The following FLOT2 variants were observed in gnomAD, a reference collection of about 807,000 sequenced individuals.
FLOT2 encodes the protein flotillin-2.
In FLOT2, 35 loss-of-function variants were observed where a neutral mutation model predicts 54.9. That is an observed-to-expected ratio of 0.64 (90% CI 0.49 to 0.84). The LOEUF (loss-of-function observed/expected upper bound fraction) is 0.84, where lower values mean the gene tolerates loss of function less well. Ranked by LOEUF, FLOT2 falls within the 40% of genes least tolerant of loss-of-function variation. The probability of loss-of-function intolerance (pLI) is 0.00; values close to 1 mark genes in which losing one functional copy is unlikely to be tolerated. For synonymous variants in FLOT2, 207 were observed against 228.9 expected, an observed-to-expected ratio of 0.90 and a Z score of 0.86; for missense variants, 464 against 572.1, an observed-to-expected ratio of 0.81 and a Z score of 1.93.
At chr17:28,885,798 C>T in intron 2 of FLOT2, 2 of 1,176,696 alleles carry the variant, frequency 1.7e-6, no homozygotes, top group South Asian at 1.3e-5. Flanking sequence ...GTCTGCCAGG[C>T]CCCGCAGGGC....
intron 2 of FLOT2, 75 bp downstream of exon 2, chr17:28,888,870 G>A: frequency 1.8e-6 from 2 of 1,121,310 alleles, no homozygotes. Flanking sequence ...CCCTCAGAGT[G>A]AAGCAGAACA....
Position 28,897,680 on chromosome 17 carries a change from G to T in FLOT2, c.-106C>A. The T allele has an allele frequency of 2.0e-5, 21 of 1,053,916 alleles. No homozygotes were observed. The allele number at this position is 1,053,916 out of a possible 1,614,324, so 65.3% of individuals were successfully genotyped here. A position where few individuals can be genotyped will look rare whatever the true frequency, so the allele number is the denominator to read the frequency against. ...CCTATCCCGCCACCCCCAGCGGCCG[G>T]CCGCCCGCTCGCTCGCCCGCGCCCC... On this transcript the variant is annotated 5_prime_UTR_variant, in exon 1 of 11. Transcript: ENST00000394908. This position sits in a 1 kb window ranked among gnomAD's most constrained non-coding sequence, Gnocchi z 4.4.
At position 28,897,663 on chromosome 17, in the gene FLOT2, G is replaced by T. The variant is rs1598106960; in HGVS notation, c.-89C>A. ...GCGCCGGCCGCGCCCAGCCTATCCC[G>T]CCACCCCCAGCGGCCGGCCGCCCGC... On this transcript the variant is annotated 5_prime_UTR_variant, in exon 1 of 11. Transcript: ENST00000394908. This position sits in a 1 kb window ranked among gnomAD's most constrained non-coding sequence, Gnocchi z 4.4. 2.6e-6 allele frequency: 3 copies of T among 1,163,578 alleles called. No individual in the cohort carries two copies. Among genetic ancestry groups the T allele is most frequent in the Non-Finnish European group, 2.2e-6 (2 of 906,874 alleles). 72.1% of individuals were successfully genotyped at this position (1,163,578 alleles called of 1,614,324 possible). A position where few individuals can be genotyped will look rare whatever the true frequency, so the allele number is the denominator to read the frequency against.
In FLOT2 at chr17:28,883,862, C is replaced by T. The variant is rs1029518456; in HGVS notation, c.222+363G>A. Among the ~76,000 whole-genome samples the T allele has an allele frequency of 6.6e-6, 1 of 151,952 alleles. No individual in the cohort carries two copies. Among genetic ancestry groups the T allele is most frequent in the Non-Finnish European group, 1.5e-5 (1 of 67,984 alleles). ...GCCTCACATGGCCTCTCCCTCTGGG[C>T]CCCACCCCTCCCACGCAGTACCCAG... On this transcript the variant is annotated intron_variant, in intron 3 of 10. Coordinates refer to ENST00000394908, the MANE Select transcript of FLOT2 (RefSeq NM_004475.3). This position sits in a 1 kb window ranked among gnomAD's most constrained non-coding sequence, Gnocchi z 5.0.
In FLOT2 at chr17:28,880,732, G is replaced by A. The variant is rs2039432334; in HGVS notation, c.1229C>T (p.Thr410Ile). The A allele has an allele frequency of 6.2e-7, 1 of 1,614,114 alleles. No homozygotes were observed. Among genetic ancestry groups the A allele is most frequent in the Non-Finnish European group, 8.5e-7 (1 of 1,180,046 alleles). Reference sequence around the variant, plus strand: ...ACATACCTTAGACAGGTCCACGCCTGTGAGGGCATGCACAGAGGCAGGCAG... The same window carrying A: ...ACATACCTTAGACAGGTCCACGCCTATGAGGGCATGCACAGAGGCAGGCAG... ...AELPASVHAL[T>I]GVDLSKIPLI... Residue 410 changes from threonine (T) to isoleucine (I), a missense_variant, in exon 10 of 11, where the codon ACA (threonine) becomes ATA (isoleucine). By Grantham distance (89) the Thr-to-Ile change is moderately conservative (BLOSUM62 -1). Transcript: ENST00000394908.
chr17:28,897,432 TG>T lies in FLOT2; in HGVS notation c.49+93del. 1 of 1,244,284 alleles carries T rather than the reference TG, an allele frequency of 8.0e-7. No individual in the cohort carries two copies. Among genetic ancestry groups the T allele is most frequent in the Non-Finnish European group, 1.1e-6 (1 of 898,686 alleles). The allele number at this position is 1,244,284 out of a possible 1,614,324, so 77.1% of individuals were successfully genotyped here. On this transcript the variant is annotated intron_variant, in intron 1 of 10. Transcript: ENST00000394908. The surrounding 1 kb of genome is among the most constrained non-coding windows in gnomAD (Gnocchi z 4.4). ...GGGGCCAGCGCCCTGCGCCGCGCGG[TG>T]GACTCAGGCCCAGCTCTTCCCCGTG...
intron 1 of FLOT2, among the ~76,000 whole-genome samples, chr17:28,894,487 T>C (rs2039707433): frequency 1.3e-5 from 2 of 151,886 alleles, no homozygotes; most frequent in Admixed American, 6.6e-5. Context: ...AGCTGGGCAC[T>C]GTGGCGTGCA....
chr17:28,881,975 C>A lies in FLOT2; in HGVS notation c.753G>T (p.Lys251Asn). Residue 251 changes from lysine (K) to asparagine (N), a missense_variant, in exon 8 of 11, where the codon AAG (lysine) becomes AAT (asparagine). By Grantham distance (94) the Lys-to-Asn change is moderately conservative (BLOSUM62 0). Coordinates refer to ENST00000394908, the MANE Select transcript of FLOT2 (RefSeq NM_004475.3). ...YELQGAREQQ[K>N]IRQEEIEIEV... ...CAATCTCAATCTCTTCCTGCCGGAT[C>A]TTCTGCTGTTCACGGGCCCCCTGCA... 1.9e-6 allele frequency: 3 copies of A among 1,614,176 alleles called. No homozygotes were observed. The highest frequency in any genetic ancestry group is 2.5e-6 in the Non-Finnish European group (3 of 1,180,052).
Position 28,880,024 on chromosome 17 carries a change from G to C in FLOT2, c.*537C>G, listed in dbSNP as rs11871399. On this transcript the variant is annotated 3_prime_UTR_variant, in exon 11 of 11. Transcript: ENST00000394908. ...GGGCCCTGCAGGTCATGGCTGCCCA[G>C]ACCTAGAGGGGCAGCAGCAGGTGAG... 1.8e-5 allele frequency: 18 copies of C among 991,896 alleles called. No individual in the cohort carries two copies. In the Admixed American group the frequency reaches 2.3e-4, roughly 13 times the overall value. 61.4% of individuals were successfully genotyped at this position (991,896 alleles called of 1,614,324 possible). A position where few individuals can be genotyped will look rare whatever the true frequency, so the allele number is the denominator to read the frequency against.
intron 1 of FLOT2, among the ~76,000 whole-genome samples, chr17:28,894,616 CTTTTTTTTTTTTT>C (rs34266130): frequency 8.4e-5 from 4 of 47,378 alleles, no homozygotes; most frequent in African/African-American, 1.5e-4. Context: ...AGAGCAAGAC[CTTTTTTTTTTTTT>C]TTTTTTTTTT....
In FLOT2 at chr17:28,889,078, C is replaced by T. The variant is rs754287928; in HGVS notation, c.50-52G>A. On this transcript the variant is annotated intron_variant, in intron 1 of 10. Coordinates refer to ENST00000394908, the MANE Select transcript of FLOT2 (RefSeq NM_004475.3). Reference sequence around the variant, plus strand: ...GTCAGTCGGTTCTTGGGTCTGTCTACCCTCCAGCCCACTGATAGCAACTTT... The same window carrying T: ...GTCAGTCGGTTCTTGGGTCTGTCTATCCTCCAGCCCACTGATAGCAACTTT... 8.6e-6 allele frequency: 13 copies of T among 1,504,370 alleles called. No individual in the cohort carries two copies. The African/African-American group carries it at 1.7e-4, about 19-fold the overall frequency. The allele number at this position is 1,504,370 out of a possible 1,614,324, so 93.2% of individuals were successfully genotyped here. A position where few individuals can be genotyped will look rare whatever the true frequency, so the allele number is the denominator to read the frequency against.
chr17:28,882,149 T>C lies in FLOT2; in HGVS notation c.668A>G (p.Lys223Arg). Residue 223 changes from lysine to arginine, a missense_variant, in exon 7 of 11, where the codon AAG (lysine) becomes AGG (arginine). Transcript: ENST00000394908. The surrounding 1 kb of genome is among the most constrained non-coding windows in gnomAD (Gnocchi z 5.6). ...ADSKRAFELQ[K>R]SAFSEEVNIK... ...GTTAACCTCCTCACTGAAGGCTGAC[T>C]TTTGCAGCTCGAAGGCTCGCTTAGA... is the stretch of plus-strand genomic sequence containing the variant. 1 of 1,614,216 alleles carries C rather than the reference T, an allele frequency of 6.2e-7. No homozygotes were observed.
intron 1 of FLOT2, chr17:28,892,647 C>T (rs1186803730): frequency 6.6e-6 from 1 of 151,114 alleles, no homozygotes; most frequent in Non-Finnish European, 1.5e-5. Flanking sequence ...CCCTAGATGG[C>T]CACTCTTTAT....
At chr17:28,891,136 C>T (rs1792974434) in intron 1 of FLOT2, among the ~76,000 whole-genome samples, 1 of 151,732 alleles carries the variant, frequency 6.6e-6, no homozygotes, top group South Asian at 2.1e-4. Flanking sequence ...ATGCGTTGGC[C>T]TCTCAAAGTG....
chr17:28,881,295 G>C lies in FLOT2; in HGVS notation c.995C>G (p.Ala332Gly). The C allele has an allele frequency of 6.2e-7, 1 of 1,614,038 alleles. No individual in the cohort carries two copies. The highest frequency in any genetic ancestry group is 8.5e-7 in the Non-Finnish European group (1 of 1,179,980). Residue 332 changes from alanine to glycine, a missense_variant, in exon 9 of 11, where the codon GCG (alanine) becomes GGG (glycine). Coordinates refer to ENST00000394908, the MANE Select transcript of FLOT2 (RefSeq NM_004475.3). ...CCGCTCAGCCTCTGCCTTGCCCATC[G>C]CCTCGATGACTGCCGCTTCCGCCTC... ...IGEAEAAVIE[A>G]MGKAEAERMK...
intron 2 of FLOT2, among the ~76,000 whole-genome samples, chr17:28,887,216 C>T (rs1044554773): frequency 6.6e-6 from 1 of 152,050 alleles, no homozygotes; most frequent in African/African-American, 2.4e-5. Context: ...GGGCACGTGA[C>T]ATATAGACAG....
rs768090167 is a variant in FLOT2, at chr17:28,886,087, C to T, written c.132-1772G>A. 2.3e-4 allele frequency: 78 copies of T among 339,352 alleles called. 1 individual carries two copies. The East Asian group carries it at 2.5e-3, about 11-fold the overall frequency. 21.0% of individuals were successfully genotyped at this position (339,352 alleles called of 1,614,324 possible). On this transcript the variant is annotated intron_variant, in intron 2 of 10. Transcript: ENST00000394908. ...GGGGGGCATGCTGTCAGTAATCCAA[C>T]CCCCCAACTGCCAGCTCAGCCGAGG...
chr17:28,881,312 T>G lies in FLOT2; in HGVS notation c.978A>C (p.Glu326Asp). Residue 326 changes from glutamate (E) to aspartate (D), a missense_variant, in exon 9 of 11, where the codon GAA becomes GAC. Glu to Asp is a conservative substitution (Grantham distance 45). Coordinates refer to ENST00000394908, the MANE Select transcript of FLOT2 (RefSeq NM_004475.3). The part of the protein sequence containing the change: ...AEKIRKIGEA[E>D]AAVIEAMGKA... ...TGCCCATCGCCTCGATGACTGCCGC[T>G]TCCGCCTCCCCGATTTTGCGGATCT... 1 of 1,613,976 alleles carries G rather than the reference T, an allele frequency of 6.2e-7. No individual in the cohort carries two copies. The highest frequency in any genetic ancestry group is 8.5e-7 in the Non-Finnish European group (1 of 1,179,980).
chr17:28,885,629 C>A (rs1344911165), intron 2 of FLOT2: 1 of 717,506 alleles, frequency 1.4e-6, no homozygotes, highest in Admixed American at 2.0e-5. Flanking sequence ...CTTGGCAGAG[C>A]TTCCAGAATC....
Sources: allele counts gnomAD v4.1 joint callset (sites outside exome capture counted in the v4.1 genomes callset), GRCh38; gene constraint gnomAD v4.1.1; non-coding constraint Gnocchi (gnomAD v3.1); transcripts MANE v1.5; gene names NCBI Gene and HGNC (gene_info 2026-07-23, HGNC 2026-07-21).